The following CALCR variants were observed in gnomAD, a reference collection of about 807,000 sequenced individuals.
CALCR encodes calcitonin receptor.
In CALCR, 47 loss-of-function variants were observed where a neutral mutation model predicts 59.5. The observed-to-expected ratio is 0.79, with a 90% CI of 0.63 to 1.01. The LOEUF (loss-of-function observed/expected upper bound fraction) is 1.01. CALCR is among the 50% of genes least tolerant of loss of function. The pLI, the probability that CALCR is intolerant of heterozygous loss-of-function variation, is 0.00. For synonymous variants in CALCR, 213 were observed against 211.3 expected (o/e 1.01, Z -0.07); for missense variants, 566 against 597.1 (o/e 0.95, Z 0.54).
At chr7:93,482,045 T>C (rs924320039) in intron 3 of CALCR, among the ~76,000 whole-genome samples, 1 of 151,882 alleles carries the variant, frequency 6.6e-6, no homozygotes, top group Non-Finnish European at 1.5e-5. Context: ...ATATTTCTGA[T>C]ACTTGAAATT....
intron 2 of CALCR, among the ~76,000 whole-genome samples, chr7:93,504,490 C>T (rs62466842): frequency 0.068 from 10,388 of 152,156 alleles, 475 homozygotes; most frequent in Non-Finnish European, 0.098. Flanking sequence ...TGCTCAACAG[C>T]GTCTTTTTCT....
rs771349521 is a variant in CALCR, at chr7:93,477,622, G to A, written c.252C>T (p.Asp84=). The change falls in exon 5 of 14, where the codon GAC becomes GAT. Residue 84 remains aspartate (D), a synonymous_variant. Transcript: ENST00000426151. ...GATAGGACAATACTCCAGCCGGTGTGTCATCCCAGCACAGCCATCCATCCC... is the reference window on the plus strand; with the variant it reads ...GATAGGACAATACTCCAGCCGGTGTATCATCCCAGCACAGCCATCCATCCC... ...RTWDGWLCWD[D]TPAGVLSYQF... 5 of 1,611,430 alleles carry A rather than the reference G, an allele frequency of 3.1e-6. No homozygotes were observed. The highest frequency in any genetic ancestry group is 4.2e-6 in the Non-Finnish European group (5 of 1,178,480).
At chr7:93,484,815 T>A (rs1475870497) in intron 3 of CALCR, among the ~76,000 whole-genome samples, 1 of 151,752 alleles carries the variant, frequency 6.6e-6, no homozygotes, top group African/African-American at 2.4e-5. Context: ...ATCAGCATCG[T>A]CACTGGCATC....
intron 2 of CALCR, among the ~76,000 whole-genome samples, chr7:93,495,634 A>G (rs1331489519): frequency 6.6e-6 from 1 of 151,350 alleles, no homozygotes; most frequent in African/African-American, 2.4e-5. Flanking sequence ...CTTGAATAGG[A>G]GAAGTATACA....
chr7:93,544,831 A>G (rs142394435), intron 2 of CALCR, among the ~76,000 whole-genome samples: 14 of 152,288 alleles, frequency 9.2e-5, no homozygotes, highest in Middle Eastern at 3.4e-3. Flanking sequence ...CAACTGCTCA[A>G]CAGCAAAGAT....
At chr7:93,461,656 G>T (rs1327470641) in intron 7 of CALCR, among the ~76,000 whole-genome samples, 5 of 152,136 alleles carry the variant, frequency 3.3e-5, no homozygotes. Context: ...CTTCTTGGTA[G>T]AGTCATTCCC....
chr7:93,505,159 G>A, intron 2 of CALCR, among the ~76,000 whole-genome samples: 1 of 150,992 alleles, frequency 6.6e-6, no homozygotes. Flanking sequence ...ATATAGCTAA[G>A]TGGAAAAAAA....
At chr7:93,563,326 A>T (rs934522576) in intron 2 of CALCR, among the ~76,000 whole-genome samples, 4 of 152,178 alleles carry the variant, frequency 2.6e-5, no homozygotes, top group Non-Finnish European at 5.9e-5. Flanking sequence ...TTCTCTCCAC[A>T]TCATTAAAAC....
chr7:93,490,141 G>A (rs1801042361), intron 2 of CALCR, among the ~76,000 whole-genome samples: 1 of 151,884 alleles, frequency 6.6e-6, no homozygotes, highest in Non-Finnish European at 1.5e-5. Flanking sequence ...CACATAAACA[G>A]AACCCAAGAC....
rs754317267 is a variant in CALCR, at chr7:93,548,839, A to AGTGTGTGT, written c.-27+25442_-27+25449dup. ...AATTGCAATAATTCAATCCAGAAGA[A>AGTGTGTGT]GTGTGTGTGTGTGTGTGTGTGTGTG... On this transcript the variant is annotated intron_variant, in intron 2 of 13. Coordinates refer to ENST00000426151, the MANE Select transcript of CALCR (RefSeq NM_001742.4). Among the ~76,000 whole-genome samples the AGTGTGTGT allele has an allele frequency of 0.016, 2,253 of 137,396 alleles. 99 individuals are homozygous for AGTGTGTGT. In the East Asian group the frequency reaches 0.17, roughly 10 times the overall value. The allele number at this position is 137,396 out of a possible 152,430, so 90.1% of individuals were successfully genotyped here. A position where few individuals can be genotyped will look rare whatever the true frequency, so the allele number is the denominator to read the frequency against.
At chr7:93,527,603 G>A (rs1162203977) in intron 2 of CALCR, among the ~76,000 whole-genome samples, 1 of 152,094 alleles carries the variant, frequency 6.6e-6, no homozygotes, top group Non-Finnish European at 1.5e-5. Flanking sequence ...CGAGTTAGCA[G>A]CCATTTTAGC....
intron 2 of CALCR, among the ~76,000 whole-genome samples, chr7:93,502,606 GT>G (rs1441983672): frequency 6.6e-6 from 1 of 151,886 alleles, no homozygotes; most frequent in Non-Finnish European, 1.5e-5. Context: ...TTTGACTAAG[GT>G]TTTTTTCCTC....
intron 2 of CALCR, among the ~76,000 whole-genome samples, chr7:93,540,916 A>G (rs886415660): frequency 6.6e-6 from 1 of 151,852 alleles, no homozygotes; most frequent in African/African-American, 2.4e-5. Flanking sequence ...ATAATCAATC[A>G]GGATTCAGTA....
chr7:93,515,573 C>T (rs1801633181), intron 2 of CALCR, among the ~76,000 whole-genome samples: 1 of 152,010 alleles, frequency 6.6e-6, no homozygotes, highest in Non-Finnish European at 1.5e-5. Context: ...TCCTTTGCTA[C>T]ACTCTTGTTT....
intron 8 of CALCR, among the ~76,000 whole-genome samples, chr7:93,446,963 T>C (rs1441941152): frequency 5.3e-5 from 8 of 152,024 alleles, no homozygotes; most frequent in Admixed American, 5.3e-4. Flanking sequence ...ATTTTCTTCA[T>C]TAATATAAAA....
intron 7 of CALCR, among the ~76,000 whole-genome samples, chr7:93,465,928 G>A (rs1418911928): frequency 6.7e-6 from 1 of 148,844 alleles, no homozygotes; most frequent in African/African-American, 2.6e-5. Flanking sequence ...TTTCTCTGCA[G>A]GCCTCCTAGG....
chr7:93,538,621 T>G (rs1303245171), intron 2 of CALCR, among the ~76,000 whole-genome samples: 2 of 151,818 alleles, frequency 1.3e-5, no homozygotes, highest in Non-Finnish European at 2.9e-5. Flanking sequence ...AACCTGTTTT[T>G]TGTTTTTGTT....
At chr7:93,439,256 A>C (rs951504699) in intron 9 of CALCR, among the ~76,000 whole-genome samples, 11 of 152,168 alleles carry the variant, frequency 7.2e-5, no homozygotes, top group African/African-American at 2.4e-4. Context: ...TAAACCCAGG[A>C]AGCATATTTT....
In CALCR at chr7:93,472,375, C is replaced by T. The variant is rs1800570635; in HGVS notation, c.429G>A (p.Lys143=). 3 of 1,562,682 alleles carry T rather than the reference C, an allele frequency of 1.9e-6. No individual in the cohort carries two copies. Among genetic ancestry groups the T allele is most frequent in the Non-Finnish European group, 1.8e-6 (2 of 1,136,368 alleles). Residue 143 remains lysine (K), a splice_region_variant and synonymous_variant, in exon 6 of 14, where the codon AAG becomes AAA. Coordinates refer to ENST00000426151, the MANE Select transcript of CALCR (RefSeq NM_001742.4). ...MCNAFTPEKL[K]NAYVLYYLAI... Reference sequence around the variant, plus strand: ...TACTGAAACGTGAAAAAGAACCTACCTTCAGTTTCTCAGGAGTGAAAGCAT... The same window carrying T: ...TACTGAAACGTGAAAAAGAACCTACTTTCAGTTTCTCAGGAGTGAAAGCAT...
Sources: gnomAD v4.1 joint callset for allele counts (sites outside exome capture counted in the v4.1 genomes callset) on GRCh38, gnomAD v4.1.1 for gene constraint, MANE v1.5 for transcripts, NCBI Gene and HGNC (gene_info 2026-07-23, HGNC 2026-07-21) for gene names.